The following IL34 variants were observed in gnomAD, a reference collection of about 807,000 sequenced individuals.
The protein encoded by IL34 is interleukin-34.
IL34 carries 17 observed loss-of-function variants against 25.3 expected under a neutral mutation model. That is an observed-to-expected ratio of 0.67 (90% confidence interval 0.46 to 1.01). The LOEUF (loss-of-function observed/expected upper bound fraction) is 1.01, where lower values mean the gene tolerates loss of function less well. Among genes scored for constraint, IL34 ranks in the 50% least tolerant of loss-of-function variants. The pLI, the probability that IL34 is intolerant of heterozygous loss-of-function variation, is 0.00. For missense variants in IL34, 368 were observed against 312.9 expected (o/e 1.18, Z -1.33); for synonymous variants, 174 against 140.9 (o/e 1.23, Z -1.66).
At chr16:70,638,222 AC>A (rs200619325) in intron 1 of IL34, among the ~76,000 whole-genome samples, 1,626 of 152,192 alleles carry the variant, frequency 0.011, 26 homozygotes, top group African/African-American at 0.037. Flanking sequence ...CATGCCTGTA[AC>A]CCCAGCACTT....
intron 1 of IL34, among the ~76,000 whole-genome samples, chr16:70,636,502 C>T (rs71384768): frequency 1.3e-5 from 2 of 151,746 alleles, no homozygotes; most frequent in African/African-American, 2.4e-5. Context: ...GACATAGTGT[C>T]GTGGCTCATG....
intron 1 of IL34, among the ~76,000 whole-genome samples, chr16:70,629,689 C>T (rs1207750992): frequency 6.6e-6 from 1 of 151,336 alleles, no homozygotes; most frequent in African/African-American, 2.4e-5. Context: ...TTGTAGACCT[C>T]ACTACATTTT....
At chr16:70,620,907 T>C (rs1402837986) in intron 1 of IL34, among the ~76,000 whole-genome samples, 2 of 151,920 alleles carry the variant, frequency 1.3e-5, no homozygotes, top group Non-Finnish European at 2.9e-5. Context: ...AGGAATGGAA[T>C]GTGGAATCTT....
intron 1 of IL34, among the ~76,000 whole-genome samples, chr16:70,594,640 C>G (rs1004442044): frequency 6.6e-6 from 1 of 152,148 alleles, no homozygotes; most frequent in Non-Finnish European, 1.5e-5. Flanking sequence ...GTCTTATTAT[C>G]TCTGAGGGAG....
At chr16:70,635,070 G>T (rs944385685) in intron 1 of IL34, among the ~76,000 whole-genome samples, 7 of 152,104 alleles carry the variant, frequency 4.6e-5, no homozygotes, top group African/African-American at 1.7e-4. Flanking sequence ...TTGGTCATTC[G>T]TCTTATGGCC....
intron 4 of IL34, among the ~76,000 whole-genome samples, chr16:70,658,551 G>C (rs1474945001): frequency 1.3e-5 from 2 of 151,630 alleles, no homozygotes; most frequent in African/African-American, 4.8e-5. Flanking sequence ...GGGCAATCTT[G>C]GCTCACTGCA....
intron 1 of IL34, among the ~76,000 whole-genome samples, chr16:70,634,292 A>ACT (rs60175497): frequency 0.1 from 15,710 of 152,138 alleles, 870 homozygotes; most frequent in South Asian, 0.17. Flanking sequence ...TAAGATATGA[A>ACT]CTGGGGGCAG....
chr16:70,586,126 C>T (rs921378668), intron 1 of IL34, among the ~76,000 whole-genome samples: 6 of 152,194 alleles, frequency 3.9e-5, no homozygotes, highest in African/African-American at 7.2e-5. Flanking sequence ...GCCACCGCCC[C>T]CAGCCCTGGC....
At chr16:70,622,125 C>T in intron 1 of IL34, among the ~76,000 whole-genome samples, 1 of 151,854 alleles carries the variant, frequency 6.6e-6, no homozygotes, top group South Asian at 2.1e-4. Context: ...AAAGGCTGGT[C>T]TGTTATCAGA....
chr16:70,629,351 A>G (rs1330425766), intron 1 of IL34, among the ~76,000 whole-genome samples: 1 of 152,124 alleles, frequency 6.6e-6, no homozygotes, highest in Non-Finnish European at 1.5e-5. Flanking sequence ...CATGTTAGGT[A>G]ATTATCCATC....
chr16:70,585,524 A>G (rs1369576525), intron 1 of IL34, among the ~76,000 whole-genome samples: 1 of 151,872 alleles, frequency 6.6e-6, no homozygotes, highest in Non-Finnish European at 1.5e-5. Context: ...TGTCTCTACT[A>G]AAAATACAAA....
intron 1 of IL34, chr16:70,654,227 T>C: frequency 4.1e-6 from 1 of 246,706 alleles, no homozygotes; most frequent in Non-Finnish European, 7.8e-6. Context: ...GGGCGGGAGG[T>C]TGTGCCTGCC....
At chr16:70,598,503 C>T (rs2050858288) in intron 1 of IL34, among the ~76,000 whole-genome samples, 1 of 152,114 alleles carries the variant, frequency 6.6e-6, no homozygotes, top group African/African-American at 2.4e-5. Flanking sequence ...CTTTGGGAGG[C>T]CAAGGCTGGC....
At chr16:70,583,335 C>T (rs554991127) in intron 1 of IL34, among the ~76,000 whole-genome samples, 296 of 151,958 alleles carry the variant, frequency 1.9e-3, no homozygotes, top group African/African-American at 6.2e-3. Context: ...CTGCTGACCT[C>T]AACAGATTCA....
Position 70,636,585 on chromosome 16 carries a change from T to TCACACA in IL34, c.-400-9924_-400-9919dup, listed in dbSNP as rs34816911. ...AGCCTGGACAACATAGCAAACCCTG[T>TCACACA]CACACACACACACACACACACACAC... is the stretch of plus-strand genomic sequence containing the variant. On this transcript the variant is annotated intron_variant, in intron 1 of 6. Coordinates refer to the IL34 transcript ENST00000429149. Among the ~76,000 whole-genome samples the TCACACA allele has an allele frequency of 8.4e-3, 1,150 of 136,446 alleles. 15 individuals are homozygous for TCACACA. The highest frequency in any genetic ancestry group is 0.035 in the Admixed American group (458 of 13,172). 89.5% of individuals were successfully genotyped at this position (136,446 alleles called of 152,430 possible).
intron 1 of IL34, among the ~76,000 whole-genome samples, chr16:70,583,631 G>T (rs1230265526): frequency 1.3e-5 from 2 of 151,720 alleles, no homozygotes; most frequent in Admixed American, 1.3e-4. Flanking sequence ...CTGGGTTCTG[G>T]TCCCAGCCCC....
chr16:70,629,566 T>C (rs2051471253), intron 1 of IL34, among the ~76,000 whole-genome samples: 1 of 152,166 alleles, frequency 6.6e-6, no homozygotes, highest in Non-Finnish European at 1.5e-5. Context: ...TATCTCTAAA[T>C]TACTTATAAT....
At chr16:70,603,884 T>G (rs187856315) in intron 1 of IL34, among the ~76,000 whole-genome samples, 1 of 152,326 alleles carries the variant, frequency 6.6e-6, no homozygotes, top group Admixed American at 6.5e-5. Context: ...ACCTGCCTGA[T>G]TCTTTCTATT....
chr16:70,646,206 G>A (rs866431885), upstream of IL34, among the ~76,000 whole-genome samples: 4 of 152,098 alleles, frequency 2.6e-5, no homozygotes, highest in East Asian at 1.9e-4. Context: ...CATTGCGTCC[G>A]GCTTGTTTTC....
Sources: allele counts gnomAD v4.1 joint callset (sites outside exome capture counted in the v4.1 genomes callset), GRCh38; gene constraint gnomAD v4.1.1; transcripts MANE v1.5; gene names NCBI Gene and HGNC (gene_info 2026-07-23, HGNC 2026-07-21).